Variants in PPP2R2B observed in about 807,000 individuals in gnomAD.
PPP2R2B encodes the protein serine/threonine-protein phosphatase 2A 55 kDa regulatory subunit B beta isoform.
In PPP2R2B, 5 loss-of-function variants were observed where a neutral mutation model predicts 46.0. The observed-to-expected ratio is 0.11, with a 90% CI of 0.06 to 0.23. The LOEUF is 0.23. Among genes scored for constraint, PPP2R2B ranks in the 10% least tolerant of loss-of-function variants. The pLI is 1.00. For synonymous variants in PPP2R2B, 215 were observed against 206.7 expected (o/e 1.04, Z -0.34); for missense variants, 367 against 575.0 (o/e 0.64, Z 3.70).
At chr5:146,840,984 C>T (rs1390500480) in intron 2 of PPP2R2B, among the ~76,000 whole-genome samples, 2 of 152,062 alleles carry the variant, frequency 1.3e-5, no homozygotes, top group Non-Finnish European at 2.9e-5. Flanking sequence ...ACATTAGTGG[C>T]CAATATGCTG....
At chr5:146,873,197 C>T (rs1761711631) in intron 2 of PPP2R2B, among the ~76,000 whole-genome samples, 1 of 152,160 alleles carries the variant, frequency 6.6e-6, no homozygotes, top group Non-Finnish European at 1.5e-5. Context: ...TCCATCTGCA[C>T]CCAATCATAG....
At chr5:146,934,583 GAAAAAAAAAAA>G (rs3062352) in intron 1 of PPP2R2B, among the ~76,000 whole-genome samples, 7 of 31,500 alleles carry the variant, frequency 2.2e-4, no homozygotes, top group South Asian at 1.4e-3. Flanking sequence ...TTTTTCATAA[GAAAAAAAAAAA>G]AAAAAAAAAA....
intron 1 of PPP2R2B, among the ~76,000 whole-genome samples, chr5:147,054,146 G>T (rs1407744871): frequency 6.6e-6 from 1 of 152,096 alleles, no homozygotes; most frequent in Non-Finnish European, 1.5e-5. Flanking sequence ...GTTGTAGCAG[G>T]TTTTTTTCTA....
intron 7 of PPP2R2B, among the ~76,000 whole-genome samples, chr5:146,606,045 A>T (rs1431736161): frequency 6.6e-6 from 1 of 152,234 alleles, no homozygotes; most frequent in African/African-American, 2.4e-5. Flanking sequence ...GAATTCAGTT[A>T]TTCAAGAATT....
chr5:146,956,681 G>T (rs1482875069), intron 1 of PPP2R2B, among the ~76,000 whole-genome samples: 4 of 152,046 alleles, frequency 2.6e-5, no homozygotes, highest in Non-Finnish European at 5.9e-5. Context: ...TAGCCCATCT[G>T]GTCTACTATA....
intron 1 of PPP2R2B, among the ~76,000 whole-genome samples, chr5:146,970,329 G>C (rs1336050237): frequency 6.6e-6 from 1 of 151,922 alleles, no homozygotes; most frequent in African/African-American, 2.4e-5. Context: ...AGCCGGGTGC[G>C]GTGGTTCATG....
chr5:146,599,754 C>T (rs1001148734), intron 8 of PPP2R2B, among the ~76,000 whole-genome samples: 14 of 152,134 alleles, frequency 9.2e-5, no homozygotes, highest in African/African-American at 3.4e-4. Context: ...ACCCATCAAC[C>T]CGTCATCTAC....
At chr5:146,821,565 TG>T (rs1003171813) in intron 2 of PPP2R2B, among the ~76,000 whole-genome samples, 6 of 152,228 alleles carry the variant, frequency 3.9e-5, no homozygotes, top group African/African-American at 1.2e-4. Context: ...GCACAGGCTT[TG>T]GGGGCAAACA....
intron 2 of PPP2R2B, among the ~76,000 whole-genome samples, chr5:146,767,539 T>TACACAC (rs112893364): frequency 0.018 from 2,781 of 150,534 alleles, 97 homozygotes; most frequent in African/African-American, 0.065. Context: ...CACACATACA[T>TACACAC]ACACACACAC....
rs538303105 is a variant in PPP2R2B, at chr5:146,902,203, C to T, written c.79+153462G>A. Among the ~76,000 whole-genome samples the T allele has an allele frequency of 2.6e-5, 4 of 152,236 alleles. No homozygotes were observed. The South Asian group carries it at 8.3e-4, about 32-fold the overall frequency. ...TTTCTATTCCTCTCCTCTCCCCATT[C>T]CTTTTCCAAATATTTATTGAAAATC... is the stretch of plus-strand genomic sequence containing the variant. On this transcript the variant is annotated intron_variant, in intron 1 of 8. Coordinates refer to the PPP2R2B transcript ENST00000336640.
chr5:146,669,611 C>A (rs558486763), intron 5 of PPP2R2B, among the ~76,000 whole-genome samples: 2 of 152,070 alleles, frequency 1.3e-5, no homozygotes, highest in Non-Finnish European at 2.9e-5. Flanking sequence ...TATGGGGCGA[C>A]TTTGGAACCT....
At chr5:147,051,846 T>C (rs896340167) in intron 1 of PPP2R2B, among the ~76,000 whole-genome samples, 1 of 134,742 alleles carries the variant, frequency 7.4e-6, no homozygotes, top group African/African-American at 2.8e-5. Context: ...CACTGCAACC[T>C]CTGCCTCCCG....
chr5:146,955,424 G>A (rs141759488), intron 1 of PPP2R2B, among the ~76,000 whole-genome samples: 3 of 152,254 alleles, frequency 2.0e-5, no homozygotes, highest in East Asian at 1.9e-4. Context: ...ATAGGGCACA[G>A]CATTCAGTTA....
At chr5:146,974,497 G>C (rs1752806072) in intron 1 of PPP2R2B, among the ~76,000 whole-genome samples, 1 of 152,032 alleles carries the variant, frequency 6.6e-6, no homozygotes, top group South Asian at 2.1e-4. Context: ...TGCCTCCCTA[G>C]GAGGGCTCTG....
chr5:147,054,513 C>T (rs1023846242), intron 1 of PPP2R2B: 2 of 424,830 alleles, frequency 4.7e-6, no homozygotes, highest in East Asian at 7.1e-5. Context: ...ATATCAATGT[C>T]TATGAAAAAT....
At chr5:146,989,175 AAAG>A (rs1483590692) in intron 1 of PPP2R2B, among the ~76,000 whole-genome samples, 3 of 152,118 alleles carry the variant, frequency 2.0e-5, no homozygotes, top group Non-Finnish European at 2.9e-5. Flanking sequence ...CCAAACATTT[AAAG>A]AAGAACAAAT....
intron 2 of PPP2R2B, among the ~76,000 whole-genome samples, chr5:146,869,193 T>G (rs891157576): frequency 3.9e-5 from 6 of 152,204 alleles, no homozygotes; most frequent in Non-Finnish European, 8.8e-5. Context: ...TTTAAATGAC[T>G]GATCCAAGGT....
intron 1 of PPP2R2B, among the ~76,000 whole-genome samples, chr5:147,046,276 T>A (rs1032896675): frequency 6.6e-5 from 10 of 152,208 alleles, no homozygotes; most frequent in Non-Finnish European, 1.3e-4. Context: ...AAAAGTGACA[T>A]TCTCGTGTAT....
chr5:146,641,158 A>G (rs1268825975), intron 6 of PPP2R2B, among the ~76,000 whole-genome samples: 2 of 152,174 alleles, frequency 1.3e-5, no homozygotes, highest in African/African-American at 4.8e-5. Flanking sequence ...CTTGCCCCTC[A>G]TCTCAGCCTT....
Sources: gnomAD v4.1 joint callset for allele counts (sites outside exome capture counted in the v4.1 genomes callset) on GRCh38, gnomAD v4.1.1 for gene constraint, MANE v1.5 for transcripts, NCBI Gene and HGNC (gene_info 2026-07-23, HGNC 2026-07-21) for gene names.